COL5A1: variants seen among roughly 807,000 people sequenced by gnomAD.
COL5A1 encodes the protein collagen alpha-1(V) chain.
In COL5A1, 16 loss-of-function variants were observed where a neutral mutation model predicts 263.7. The ratio of observed to expected loss-of-function variants is 0.06; its 90% CI spans 0.04 to 0.09. The LOEUF is 0.09. Ranked by LOEUF, COL5A1 falls within the 10% of genes least tolerant of loss-of-function variation. The pLI, the probability that COL5A1 is intolerant of heterozygous loss-of-function variation, is 1.00. For synonymous variants in COL5A1, 1,012 were observed against 1,004.5 expected (o/e 1.01, Z -0.14); for missense variants, 2,036 against 2,540.5 (o/e 0.80, Z 4.27).
Position 134,682,008 on chromosome 9 carries a change from G to A in COL5A1, c.110-8904G>A, listed in dbSNP as rs570793411. On this transcript the variant is annotated intron_variant, in intron 1 of 65. Coordinates refer to ENST00000371817, the MANE Select transcript of COL5A1 (RefSeq NM_000093.5). The surrounding 1 kb of genome is among the most constrained non-coding windows in gnomAD (Gnocchi z 5.1). ...GTCTGTCCCCACAGCTGCCTTCCCC[G>A]AACCCCTGATCCCCAGCTCATTCTA... Among the ~76,000 whole-genome samples, 3 of 150,908 alleles carry A rather than the reference G, an allele frequency of 2.0e-5. No homozygotes were observed. Among genetic ancestry groups the A allele is most frequent in the Admixed American group, 6.6e-5 (1 of 15,180 alleles).
In COL5A1 at chr9:134,696,236, T is replaced by C. The variant is rs1435967755; in HGVS notation, c.278-3673T>C. On this transcript the variant is annotated intron_variant, in intron 2 of 65. Transcript: ENST00000371817. The surrounding 1 kb of genome is among the most constrained non-coding windows in gnomAD (Gnocchi z 4.3). Reference sequence around the variant, plus strand: ...TCGCCCAGGCTGGAGTGCAGTGGTGTAATCTTGGCTCACGGCAACCTCTGC... The same window carrying C: ...TCGCCCAGGCTGGAGTGCAGTGGTGCAATCTTGGCTCACGGCAACCTCTGC... Among the ~76,000 whole-genome samples the C allele has an allele frequency of 2.0e-5, 3 of 152,044 alleles. No homozygotes were observed. The highest frequency in any genetic ancestry group is 4.4e-5 in the Non-Finnish European group (3 of 68,006).
chr9:134,733,284 C>T (rs1834970424), intron 9 of COL5A1, among the ~76,000 whole-genome samples: 1 of 152,230 alleles, frequency 6.6e-6, no homozygotes, highest in African/African-American at 2.4e-5. Context: ...GGCCTTTATA[C>T]CCCTGGAATC....
At chr9:134,671,557 A>T (rs1832539585) in intron 1 of COL5A1, among the ~76,000 whole-genome samples, 1 of 152,198 alleles carries the variant, frequency 6.6e-6, no homozygotes, top group Non-Finnish European at 1.5e-5. Flanking sequence ...TGAATAAAAT[A>T]ATTTCAGAGC....
At position 134,647,899 on chromosome 9, in the gene COL5A1, A is replaced by G. The variant is rs1051446487; in HGVS notation, c.109+5603A>G. On this transcript the variant is annotated intron_variant, in intron 1 of 65. Coordinates refer to ENST00000371817, the MANE Select transcript of COL5A1 (RefSeq NM_000093.5). The surrounding 1 kb of genome is among the most constrained non-coding windows in gnomAD (Gnocchi z 5.0). ...CCTCGATCCTGCAGGCGGAGCCCAC[A>G]GCGGCCCTTGTGGTGGTTACTACTG... 1.3e-5 allele frequency among the ~76,000 whole-genome samples: 2 copies of G among 152,196 alleles called. No individual in the cohort carries two copies. The highest frequency in any genetic ancestry group is 2.9e-5 in the Non-Finnish European group (2 of 68,046).
At chr9:134,825,198 G>A (rs745429383) in intron 62 of COL5A1, among the ~76,000 whole-genome samples, 8 of 152,214 alleles carry the variant, frequency 5.3e-5, no homozygotes, top group Non-Finnish European at 8.8e-5. Flanking sequence ...ACAGAGTTGC[G>A]TGAGGCAGTG....
At chr9:134,724,523 G>T (rs184770212) in intron 4 of COL5A1, among the ~76,000 whole-genome samples, 1 of 152,152 alleles carries the variant, frequency 6.6e-6, no homozygotes, top group Non-Finnish European at 1.5e-5. Context: ...GCTCCCACCC[G>T]CTCCATCCAA....
rs1049060713 is a variant in COL5A1, at chr9:134,767,451, A to G, written c.2232+97A>G. The G allele has an allele frequency of 1.1e-5, 13 of 1,153,246 alleles. No individual in the cohort carries two copies. The Admixed American group carries it at 2.4e-4, about 21-fold the overall frequency. The allele number at this position is 1,153,246 out of a possible 1,614,324, so 71.4% of individuals were successfully genotyped here. A position where few individuals can be genotyped will look rare whatever the true frequency, so the allele number is the denominator to read the frequency against. ...GACCCCTGGTATCCACCAGCTCTCA[A>G]TGTATATCTTGGTGCTCCCAAGAGA... On this transcript the variant is annotated intron_variant, in intron 24 of 65. Transcript: ENST00000371817.
At chr9:134,759,469 A>G (rs1411977680) in intron 18 of COL5A1, among the ~76,000 whole-genome samples, 3 of 106,832 alleles carry the variant, frequency 2.8e-5, no homozygotes, top group East Asian at 4.4e-4. Flanking sequence ...ACATGCACGC[A>G]CACACACCCA....
At chr9:134,666,338 T>C (rs1832355247) in intron 1 of COL5A1, among the ~76,000 whole-genome samples, 1 of 152,122 alleles carries the variant, frequency 6.6e-6, no homozygotes, top group South Asian at 2.1e-4. Flanking sequence ...TGGCACGGGG[T>C]CCCTGGGCTC....
Position 134,765,725 on chromosome 9 carries a change from C to T in COL5A1, c.2079C>T (p.Pro693=), listed in dbSNP as rs186098435. 31 of 1,612,842 alleles carry T rather than the reference C, an allele frequency of 1.9e-5. No homozygotes were observed. The highest frequency in any genetic ancestry group is 9.9e-5 in the South Asian group (9 of 90,968). ...GGCCGAAGGGGCCCCCAGGTCCTCC[C>T]GGACCTCCCGTAAGTCCCATTACCG... ...LLGPKGPPGP[P]GPPGVTGMDG... The change falls in exon 21 of 66, where the codon CCC becomes CCT. Residue 693 remains proline, a synonymous_variant. Transcript: ENST00000371817. This position sits in a 1 kb window ranked among gnomAD's most constrained non-coding sequence, Gnocchi z 5.1.
intron 18 of COL5A1, among the ~76,000 whole-genome samples, chr9:134,761,411 C>T (rs1326818351): frequency 6.6e-6 from 1 of 152,234 alleles, no homozygotes; most frequent in African/African-American, 2.4e-5. Context: ...GCCATTTATC[C>T]AAAGCTGCTA....
chr9:134,795,635 G>T (rs944334670), intron 34 of COL5A1, among the ~76,000 whole-genome samples: 1 of 152,198 alleles, frequency 6.6e-6, no homozygotes, highest in South Asian at 2.1e-4. Flanking sequence ...GCCCTGGTCG[G>T]GAGGCCCCAT....
intron 11 of COL5A1, among the ~76,000 whole-genome samples, chr9:134,744,288 C>T (rs1406924779): frequency 6.6e-6 from 1 of 152,060 alleles, no homozygotes; most frequent in Non-Finnish European, 1.5e-5. Context: ...CACGCTTGCA[C>T]ACTCACCCAC....
At chr9:134,723,494 C>T (rs1272885278) in intron 4 of COL5A1, among the ~76,000 whole-genome samples, 7 of 152,218 alleles carry the variant, frequency 4.6e-5, no homozygotes, top group Non-Finnish European at 1.0e-4. Flanking sequence ...GGCCCCGCTG[C>T]ACACATAGGC....
chr9:134,671,059 A>T (rs531218719), intron 1 of COL5A1, among the ~76,000 whole-genome samples: 5 of 152,178 alleles, frequency 3.3e-5, no homozygotes, highest in African/African-American at 9.6e-5. Context: ...CCGCAGCCTG[A>T]CTCAGTCGTC....
At chr9:134,715,588 G>T (rs769464342) in intron 4 of COL5A1, among the ~76,000 whole-genome samples, 1 of 152,148 alleles carries the variant, frequency 6.6e-6, no homozygotes, top group Non-Finnish European at 1.5e-5. Flanking sequence ...AGAGGTCCCC[G>T]CGGCCTTCTG....
chr9:134,657,999 G>A (rs1388246269), intron 1 of COL5A1, among the ~76,000 whole-genome samples: 2 of 151,984 alleles, frequency 1.3e-5, no homozygotes, highest in South Asian at 2.1e-4. Context: ...GGCCGGGCAC[G>A]GAGATGCTGC....
At chr9:134,643,738 G>A (rs1285005750) in intron 1 of COL5A1, among the ~76,000 whole-genome samples, 1 of 152,170 alleles carries the variant, frequency 6.6e-6, no homozygotes. Context: ...AGAGGAGAAG[G>A]AAGGTGTGGT....
intron 65 of COL5A1, among the ~76,000 whole-genome samples, chr9:134,838,082 C>T (rs73563913): frequency 0.025 from 3,875 of 152,294 alleles, 110 homozygotes; most frequent in East Asian, 0.1. Flanking sequence ...TTGTACTATC[C>T]GCCCATCGCC....
Sources: gnomAD v4.1 joint callset for allele counts (sites outside exome capture counted in the v4.1 genomes callset) on GRCh38, gnomAD v4.1.1 for gene constraint, Gnocchi (gnomAD v3.1) non-coding constraint, MANE v1.5 for transcripts, NCBI Gene and HGNC (gene_info 2026-07-23, HGNC 2026-07-21) for gene names.